Variants in WDR97 observed in about 807,000 individuals in gnomAD.
WDR97 encodes WD repeat domain 97, also known as WD repeat-containing protein 97.
WDR97 carries 111 observed loss-of-function variants against 65.4 expected under a neutral mutation model. The ratio of observed to expected loss-of-function variants is 1.70; its 90% CI spans 1.45 to 1.99. WDR97 has a LOEUF of 1.99. Ranked by LOEUF, WDR97 falls within the 30% of genes most tolerant of loss-of-function variation. The pLI is 0.00. For missense variants in WDR97, 1,674 were observed against 865.0 expected (o/e 1.94, Z -11.73); for synonymous variants, 802 against 397.7 (o/e 2.02, Z -12.10).
chr8:144,110,792 A>G (rs1444901711), intron 8 of WDR97, 53 bp downstream of exon 8: 3 of 702,488 alleles, frequency 4.3e-6, no homozygotes, highest in Non-Finnish European at 5.2e-6. Context: ...TCCTCACCAG[A>G]GCCCACTGGC....
chr8:144,108,447 C>T lies in WDR97; in HGVS notation c.381C>T (p.Gly127=), dbSNP rs1398735030. The stretch of plus-strand genomic sequence containing the variant: ...GTGGACGCTTCGTGGTGCTGGACGG[C>T]GCGGGCCGCCTGCACCTGCACAAGG... ...PVGGRFVVLD[G]AGRLHLHKED... The change falls in exon 3 of 24, where the codon GGC becomes GGT. Residue 127 remains glycine, a synonymous_variant. Coordinates refer to ENST00000323662, the MANE Select transcript of WDR97 (RefSeq NM_001316309.2). The T allele has an allele frequency of 5.7e-6, 4 of 699,644 alleles. No individual in the cohort carries two copies. Among genetic ancestry groups the T allele is most frequent in the Non-Finnish European group, 1.0e-5 (4 of 383,816 alleles). The allele number at this position is 699,644 out of a possible 1,614,324, so 43.3% of individuals were successfully genotyped here.
In WDR97 at chr8:144,115,927, T is replaced by C. The variant is rs1344969864; in HGVS notation, c.4596-16T>C. On this transcript the variant is annotated splice_polypyrimidine_tract_variant and intron_variant, in intron 22 of 23. Transcript: ENST00000323662. ...GCGTGGGGCTGGGCCAGCTGAACCC[T>C]CCTCTTTGCCTCCAGGTACCACCCC... The C allele has an allele frequency of 2.9e-6, 2 of 701,016 alleles. No homozygotes were observed. Among genetic ancestry groups the C allele is most frequent in the Non-Finnish European group, 2.6e-6 (1 of 384,304 alleles). 43.4% of individuals were successfully genotyped at this position (701,016 alleles called of 1,614,324 possible). A position where few individuals can be genotyped will look rare whatever the true frequency, so the allele number is the denominator to read the frequency against.
rs922670711 is a variant in WDR97 at position 144,109,419 on chromosome 8, T to A, written c.1085T>A (p.Leu362Gln). The A allele has an allele frequency of 1.4e-6, 1 of 702,188 alleles. No homozygotes were observed. The highest frequency in any genetic ancestry group is 1.7e-5 in the African/African-American group (1 of 57,260). The allele number at this position is 702,188 out of a possible 1,614,324, so 43.5% of individuals were successfully genotyped here. A position where few individuals can be genotyped will look rare whatever the true frequency, so the allele number is the denominator to read the frequency against. Reference protein sequence around the residue: ...SQDGTLRTWDLQAAAQVGEVA... With the variant: ...SQDGTLRTWDQQAAAQVGEVA... ...GACGGGACGCTACGCACCTGGGACC[T>A]GCAGGCGGCGGCGCAGGTGGGCGAG... Residue 362 changes from leucine (L) to glutamine (Q), a missense_variant, in exon 5 of 24, where the codon CTG becomes CAG. By Grantham distance (113) the Leu-to-Gln change is moderately radical (BLOSUM62 -2). Coordinates refer to ENST00000323662, the MANE Select transcript of WDR97 (RefSeq NM_001316309.2).
rs763531404 is a variant in WDR97, at chr8:144,108,422, G to C, written c.356G>C (p.Gly119Ala). The C allele has an allele frequency of 1.4e-5, 10 of 699,422 alleles. No homozygotes were observed. The highest frequency in any genetic ancestry group is 2.6e-5 in the Non-Finnish European group (10 of 383,684). The allele number at this position is 699,422 out of a possible 1,614,324, so 43.3% of individuals were successfully genotyped here. A position where few individuals can be genotyped will look rare whatever the true frequency, so the allele number is the denominator to read the frequency against. ...CGCTCGGTGGCGCAGGACCCGGTGG[G>C]TGGACGCTTCGTGGTGCTGGACGGC... ...GLRSVAQDPV[G>A]GRFVVLDGAG... The change falls in exon 3 of 24, where the codon GGT becomes GCT. Residue 119 changes from glycine to alanine, a missense_variant. Transcript: ENST00000323662.
Position 144,116,276 on chromosome 8 carries a change from C to T in WDR97, c.4852C>T (p.Pro1618Ser), listed in dbSNP as rs529446745. ...QRYFLPADAD[P>S]DTYS Reference sequence around the variant, plus strand: ...CTACTTTCTGCCAGCGGACGCGGACCCTGACACCTACAGCTGACCGGACTG... The same window carrying T: ...CTACTTTCTGCCAGCGGACGCGGACTCTGACACCTACAGCTGACCGGACTG... The change falls in exon 24 of 24, where the codon CCT becomes TCT. Residue 1618 changes from proline (P) to serine (S), a missense_variant. Transcript: ENST00000323662. The T allele has an allele frequency of 1.5e-6, 1 of 650,178 alleles. No individual in the cohort carries two copies. The highest frequency in any genetic ancestry group is 2.8e-5 in the East Asian group (1 of 36,266). 40.3% of individuals were successfully genotyped at this position (650,178 alleles called of 1,614,324 possible). A position where few individuals can be genotyped will look rare whatever the true frequency, so the allele number is the denominator to read the frequency against.
rs985534786 is a variant in WDR97, at chr8:144,110,256, G to A, written c.1843G>A (p.Gly615Ser). ...CACCTGGAACAGCATTGTGTCTTCG[G>A]GTCAGTAGCTCCCCTGCCAAAGGCC... ...ASTWNSIVSS[G>S]GDLTVKMWRV... is the part of the protein sequence containing the mutation. Residue 615 changes from glycine to serine, a missense_variant and splice_region_variant, in exon 6 of 24, where the codon GGT becomes AGT. By Grantham distance (56) the Gly-to-Ser change is moderately conservative. Coordinates refer to ENST00000323662, the MANE Select transcript of WDR97 (RefSeq NM_001316309.2). 7.3e-5 allele frequency: 51 copies of A among 702,352 alleles called. No homozygotes were observed. The highest frequency in any genetic ancestry group is 1.3e-4 in the Non-Finnish European group (49 of 384,612). The allele number at this position is 702,352 out of a possible 1,614,324, so 43.5% of individuals were successfully genotyped here.
At position 144,109,793 on chromosome 8, in the gene WDR97, G is replaced by A. The variant is rs1250878822; in HGVS notation, c.1459G>A (p.Glu487Lys). Residue 487 changes from glutamate (E) to lysine (K), a missense_variant, in exon 5 of 24, where the codon GAG (glutamate) becomes AAG (lysine). Coordinates refer to ENST00000323662, the MANE Select transcript of WDR97 (RefSeq NM_001316309.2). ...AAAVAYCLPR[E>K]ALWLLTRAGH... ...AGCCGTGGCCTACTGCCTGCCGCGC[G>A]AGGCGCTGTGGCTGCTGACCAGGGC... 3.0e-6 allele frequency: 2 copies of A among 670,308 alleles called. No individual in the cohort carries two copies. Among genetic ancestry groups the A allele is most frequent in the Non-Finnish European group, 5.4e-6 (2 of 372,876 alleles). The allele number at this position is 670,308 out of a possible 1,614,324, so 41.5% of individuals were successfully genotyped here. A position where few individuals can be genotyped will look rare whatever the true frequency, so the allele number is the denominator to read the frequency against.
chr8:144,112,155 C>A lies in WDR97; in HGVS notation c.2895+11C>A, dbSNP rs1051905575. 2.9e-6 allele frequency: 2 copies of A among 701,210 alleles called. No individual in the cohort carries two copies. Among genetic ancestry groups the A allele is most frequent in the Admixed American group, 2.0e-5 (1 of 49,956 alleles). 43.4% of individuals were successfully genotyped at this position (701,210 alleles called of 1,614,324 possible). ...AGCAAGGCATCCCAGGTGAGGCTTC[C>A]CACCCTCCCACATGCCTGCTGGGCC... On this transcript the variant is annotated intron_variant, in intron 13 of 23. Coordinates refer to ENST00000323662, the MANE Select transcript of WDR97 (RefSeq NM_001316309.2).
chr8:144,108,090 GC>G lies in WDR97; in HGVS notation c.147del (p.Leu51Ter). The G allele has an allele frequency of 1.4e-6, 1 of 702,766 alleles. No homozygotes were observed. Among genetic ancestry groups the G allele is most frequent in the South Asian group, 1.5e-5 (1 of 67,602 alleles). The allele number at this position is 702,766 out of a possible 1,614,324, so 43.5% of individuals were successfully genotyped here. ...LTFTEPSQVL[P>X]FLTSSQQWQS... ...CTTTCACGGAGCCGTCGCAGGTCCT[GC>G]CCTTTTTGACCAGCAGCCAACAGTG... On this transcript the variant is annotated frameshift_variant, in exon 2 of 24. Transcript: ENST00000323662. LOFTEE classifies it high-confidence loss of function.
rs1172406142 is a variant in WDR97 at position 144,109,622 on chromosome 8, G to T, written c.1288G>T (p.Val430Leu). 2 of 683,542 alleles carry T rather than the reference G, an allele frequency of 2.9e-6. No individual in the cohort carries two copies. The highest frequency in any genetic ancestry group is 2.8e-5 in the East Asian group (1 of 35,868). The allele number at this position is 683,542 out of a possible 1,614,324, so 42.3% of individuals were successfully genotyped here. A position where few individuals can be genotyped will look rare whatever the true frequency, so the allele number is the denominator to read the frequency against. The change falls in exon 5 of 24, where the codon GTG becomes TTG. Residue 430 changes from valine (V) to leucine (L), a missense_variant. Val to Leu is a conservative substitution (Grantham distance 32, BLOSUM62 1). Coordinates refer to ENST00000323662, the MANE Select transcript of WDR97 (RefSeq NM_001316309.2). ...GCCCGCCAAGGTGCTCCACGTGCAG[G>T]TGGCGCCCGCGTTGCCCGCGCCTGC... ...QLPAKVLHVQVAPALPAPAHQ... is the reference protein window; with the variant it reads ...QLPAKVLHVQLAPALPAPAHQ...
intron 17 of WDR97, 40 bp downstream of exon 17, chr8:144,113,921 T>G (rs7836836): frequency 7.3e-6 from 5 of 684,998 alleles, no homozygotes; most frequent in African/African-American, 1.8e-5. Flanking sequence ...CCACGGGAGG[T>G]GGGCTTACAC....
Position 144,113,653 on chromosome 8 carries a change from G to A in WDR97, c.3184-4G>A. 1.5e-6 allele frequency: 1 copy of A among 652,966 alleles called. No homozygotes were observed. Among genetic ancestry groups the A allele is most frequent in the East Asian group, 2.7e-5 (1 of 36,680 alleles). The allele number at this position is 652,966 out of a possible 1,614,324, so 40.4% of individuals were successfully genotyped here. On this transcript the variant is annotated splice_region_variant and splice_polypyrimidine_tract_variant and intron_variant, in intron 16 of 23. Transcript: ENST00000323662. ...ATCAGGCACCATCTCTTGCCCCTCTGCAGCCAGGGGCAAGCCAGGATGCCC... is the reference window on the plus strand; with the variant it reads ...ATCAGGCACCATCTCTTGCCCCTCTACAGCCAGGGGCAAGCCAGGATGCCC...
At position 144,111,870 on chromosome 8, in the gene WDR97, C is replaced by T. The variant is rs368864762; in HGVS notation, c.2638-17C>T. ...CACCTGGTCTCTGATGGTCTGTCTGCTCCTGCTACCTCCCAGGGCATGCAG... is the reference window on the plus strand; with the variant it reads ...CACCTGGTCTCTGATGGTCTGTCTGTTCCTGCTACCTCCCAGGGCATGCAG... On this transcript the variant is annotated splice_polypyrimidine_tract_variant and intron_variant, in intron 12 of 23. Transcript: ENST00000323662. 42 of 700,214 alleles carry T rather than the reference C, an allele frequency of 6.0e-5. No homozygotes were observed. The African/African-American group carries it at 6.6e-4, about 11-fold the overall frequency. The allele number at this position is 700,214 out of a possible 1,614,324, so 43.4% of individuals were successfully genotyped here. A position where few individuals can be genotyped will look rare whatever the true frequency, so the allele number is the denominator to read the frequency against.
rs1414188967 is a variant in WDR97 at position 144,109,822 on chromosome 8, G to C, written c.1488G>C (p.Gly496=). The part of the protein sequence containing the change: ...REALWLLTRA[G]HLVRANAARC... ...CGCTGTGGCTGCTGACCAGGGCTGG[G>C]CACCTGGTCCGCGCCAACGCGGCGC... The change falls in exon 5 of 24, where the codon GGG becomes GGC. Residue 496 remains glycine, a synonymous_variant. Transcript: ENST00000323662. The C allele has an allele frequency of 2.9e-6, 2 of 684,978 alleles. No individual in the cohort carries two copies. The highest frequency in any genetic ancestry group is 5.3e-6 in the Non-Finnish European group (2 of 377,774). The allele number at this position is 684,978 out of a possible 1,614,324, so 42.4% of individuals were successfully genotyped here.
Position 144,114,893 on chromosome 8 carries a change from C to T in WDR97, c.4059C>T (p.Asp1353=), listed in dbSNP as rs760894493. 66 of 700,090 alleles carry T rather than the reference C, an allele frequency of 9.4e-5. 1 individual carries two copies. The South Asian group carries it at 9.5e-4, about 10-fold the overall frequency. The allele number at this position is 700,090 out of a possible 1,614,324, so 43.4% of individuals were successfully genotyped here. Residue 1353 remains aspartate (D), a synonymous_variant, in exon 21 of 24, where the codon GAC becomes GAT. Coordinates refer to ENST00000323662, the MANE Select transcript of WDR97 (RefSeq NM_001316309.2). ...CTTGCTGCCACCAGAAACTGGAGGA[C>T]ATGATCCAGGAGCTTCAGGTTGGGC... ...LRTCCHQKLE[D]MIQELQETPS...
chr8:144,110,051 G>T lies in WDR97; in HGVS notation c.1700+17G>T, dbSNP rs1300812335. 3 of 695,996 alleles carry T rather than the reference G, an allele frequency of 4.3e-6. No individual in the cohort carries two copies. In the Admixed American group the frequency reaches 6.0e-5, roughly 14 times the overall value. 43.1% of individuals were successfully genotyped at this position (695,996 alleles called of 1,614,324 possible). On this transcript the variant is annotated intron_variant, in intron 5 of 23. Coordinates refer to ENST00000323662, the MANE Select transcript of WDR97 (RefSeq NM_001316309.2). ...CAAGAACCGGTGGGTGCGGGAGCCG[G>T]CGAGGGTCTGGCGGGCGGAAGGAGC...
chr8:144,108,746 C>CAGGT lies in WDR97; in HGVS notation c.681_684dup (p.Gly229ArgfsTer95). 1 of 701,254 alleles carries CAGGT rather than the reference C, an allele frequency of 1.4e-6. No homozygotes were observed. The highest frequency in any genetic ancestry group is 2.6e-6 in the Non-Finnish European group (1 of 384,582). 43.4% of individuals were successfully genotyped at this position (701,254 alleles called of 1,614,324 possible). On this transcript the variant is annotated frameshift_variant, in exon 3 of 24. Transcript: ENST00000323662. LOFTEE classifies it high-confidence loss of function. ...AGCCTGGCGCTCTGGCAGTTCCGTT[C>CAGGT]AGGTGGTCGCCGCCTGGTGCTGCGA...
chr8:144,114,461 C>G lies in WDR97; in HGVS notation c.3778C>G (p.Pro1260Ala). 5 of 702,560 alleles carry G rather than the reference C, an allele frequency of 7.1e-6. No individual in the cohort carries two copies. The highest frequency in any genetic ancestry group is 3.0e-5 in the South Asian group (2 of 67,588). 43.5% of individuals were successfully genotyped at this position (702,560 alleles called of 1,614,324 possible). ...LLVHLLNLDQ[P>A]PSLQDQTQKK... is the part of the protein sequence containing the mutation. ...CGTACACTTGCTCAACCTGGACCAG[C>G]CCCCCAGCCTCCAGGTGTGCCCCTT... The change falls in exon 19 of 24, where the codon CCC becomes GCC. Residue 1260 changes from proline (P) to alanine (A), a missense_variant. Pro to Ala is a conservative substitution (Grantham distance 27). Coordinates refer to ENST00000323662, the MANE Select transcript of WDR97 (RefSeq NM_001316309.2).
rs747873843 is a variant in WDR97, at chr8:144,114,060, G to T, written c.3492G>T (p.Gly1164=). 65 of 702,752 alleles carry T rather than the reference G, an allele frequency of 9.2e-5. 4 individuals are homozygous for T. Among genetic ancestry groups the T allele is most frequent in the Middle Eastern group, 6.8e-4 (3 of 4,392 alleles). The allele number at this position is 702,752 out of a possible 1,614,324, so 43.5% of individuals were successfully genotyped here. The part of the protein sequence containing the change: ...RTHPHPWHRH[G]SLLLDEHYGH... ...ACCCTCATCCCTGGCACCGTCATGG[G>T]AGTTTGCTCTTGGATGAGCATTACG... The change falls in exon 18 of 24, where the codon GGG becomes GGT. Residue 1164 remains glycine, a synonymous_variant. Coordinates refer to ENST00000323662, the MANE Select transcript of WDR97 (RefSeq NM_001316309.2).
Sources: gnomAD v4.1 joint callset for allele counts on GRCh38, gnomAD v4.1.1 for gene constraint, MANE v1.5 for transcripts, NCBI Gene and HGNC (gene_info 2026-07-23, HGNC 2026-07-21) for gene names.